FBP1: variants seen among roughly 807,000 people sequenced by gnomAD.
FBP1 encodes fructose-1,6-bisphosphatase 1.
A neutral mutation model predicts 29.9 loss-of-function variants in FBP1; 22 were observed. That is an observed-to-expected ratio of 0.74 (90% CI 0.53 to 1.05). FBP1 has a LOEUF of 1.05. FBP1 is among the 50% of genes least tolerant of loss of function. The pLI is 0.00. For missense variants in FBP1, 345 were observed against 448.2 expected (o/e 0.77, Z 2.08); for synonymous variants, 175 against 178.6 (o/e 0.98, Z 0.16).
intron 1 of FBP1, 42 bp from the exon 2 acceptor site, chr9:94,620,533 A>C: frequency 6.2e-7 from 1 of 1,600,198 alleles, no homozygotes; most frequent in Non-Finnish European, 8.5e-7. Context: ...CATGACCACC[A>C]GAACATGTAG....
chr9:94,606,549 A>G (rs1390905952), intron 5 of FBP1, among the ~76,000 whole-genome samples: 1 of 152,250 alleles, frequency 6.6e-6, no homozygotes, highest in East Asian at 1.9e-4. Flanking sequence ...TCTCAGGGTG[A>G]GAATTCCAGT....
intron 4 of FBP1, among the ~76,000 whole-genome samples, chr9:94,608,101 T>C (rs1368682158): frequency 1.3e-5 from 2 of 152,180 alleles, no homozygotes; most frequent in East Asian, 1.9e-4. Flanking sequence ...CCAGCCAGAC[T>C]GTCCATGGTG....
chr9:94,633,171 C>A (rs887037158), intron 1 of FBP1, among the ~76,000 whole-genome samples: 2 of 152,156 alleles, frequency 1.3e-5, no homozygotes, highest in African/African-American at 4.8e-5. Flanking sequence ...CTAGGACCAG[C>A]GATTTCAGAA....
At position 94,639,328 on chromosome 9, in the gene FBP1, C is replaced by G. The variant is rs1006994685; in HGVS notation, c.-18G>C. 6.2e-7 allele frequency: 1 copy of G among 1,600,870 alleles called. No individual in the cohort carries two copies. The highest frequency in any genetic ancestry group is 8.5e-7 in the Non-Finnish European group (1 of 1,174,016). On this transcript the variant is annotated 5_prime_UTR_variant, in exon 1 of 7. Transcript: ENST00000375326. Reference sequence around the variant, plus strand: ...TCAGCCATGCTTGAACCGGGTAGAGCGCGGGGCTGCAGGTGCAAGCGGCAG... The same window carrying G: ...TCAGCCATGCTTGAACCGGGTAGAGGGCGGGGCTGCAGGTGCAAGCGGCAG...
At chr9:94,616,779 A>G (rs1827869955) in intron 3 of FBP1, among the ~76,000 whole-genome samples, 1 of 152,228 alleles carries the variant, frequency 6.6e-6, no homozygotes, top group Non-Finnish European at 1.5e-5. Context: ...GCTAAAGCTA[A>G]GAGGATGTAC....
chr9:94,621,407 A>T (rs557998027), intron 1 of FBP1, among the ~76,000 whole-genome samples: 11 of 143,432 alleles, frequency 7.7e-5, no homozygotes, highest in Non-Finnish European at 1.2e-4. Flanking sequence ...AAATATATAT[A>T]TTTTTAGAAG....
At chr9:94,604,486 TA>T (rs5899226) in intron 6 of FBP1, among the ~76,000 whole-genome samples, 41 of 143,444 alleles carry the variant, frequency 2.9e-4, no homozygotes, top group Non-Finnish European at 4.2e-4. Context: ...CCTCTTGCAT[TA>T]AAAAAAAAAA....
intron 1 of FBP1, 58 bp downstream of exon 1, chr9:94,639,083 G>C (rs756733825): frequency 2.1e-5 from 32 of 1,528,486 alleles, no homozygotes; most frequent in Non-Finnish European, 2.4e-5. Flanking sequence ...TCAGCCCGCC[G>C]GGCAGGCTCC....
At chr9:94,639,719 C>T (rs1169969296), upstream of FBP1, among the ~76,000 whole-genome samples, 1 of 146,356 alleles carries the variant, frequency 6.8e-6, no homozygotes, top group Non-Finnish European at 1.5e-5. Context: ...TCTTCCTGGG[C>T]TGTCGCCCCC....
upstream of FBP1, among the ~76,000 whole-genome samples, chr9:94,639,687 C>T (rs933410368): frequency 6.6e-6 from 1 of 151,880 alleles, no homozygotes; most frequent in Admixed American, 6.6e-5. Context: ...CCCCCGCCCC[C>T]ACGCGCCCTG....
At chr9:94,604,659 C>G (rs1159318761) in intron 6 of FBP1, among the ~76,000 whole-genome samples, 1 of 152,134 alleles carries the variant, frequency 6.6e-6, no homozygotes, top group Non-Finnish European at 1.5e-5. Flanking sequence ...TGGCGGGCAC[C>G]TGTAATCCCA....
intron 1 of FBP1, among the ~76,000 whole-genome samples, chr9:94,632,399 G>C (rs1479579430): frequency 6.6e-6 from 1 of 152,204 alleles, no homozygotes; most frequent in African/African-American, 2.4e-5. Context: ...ACCAGGCACG[G>C]TGGCTCACAC....
At chr9:94,618,504 G>A (rs1827896947) in intron 2 of FBP1, among the ~76,000 whole-genome samples, 1 of 147,328 alleles carries the variant, frequency 6.8e-6, no homozygotes. Context: ...AATTAGCTGG[G>A]CATGATGCTG....
At chr9:94,629,059 G>T (rs1241559378) in intron 1 of FBP1, among the ~76,000 whole-genome samples, 4 of 152,176 alleles carry the variant, frequency 2.6e-5, no homozygotes, top group Non-Finnish European at 2.9e-5. Context: ...TTGGCTTACT[G>T]CAACCTCCCC....
At chr9:94,622,447 G>C (rs1378686045) in intron 1 of FBP1, among the ~76,000 whole-genome samples, 1 of 152,256 alleles carries the variant, frequency 6.6e-6, no homozygotes, top group Admixed American at 6.5e-5. Context: ...GGCCGTGACT[G>C]CTTCAGCTCC....
At chr9:94,620,233 C>T in intron 2 of FBP1, 96 bp downstream of exon 2, 4 of 1,355,332 alleles carry the variant, frequency 3.0e-6, no homozygotes, top group Non-Finnish European at 4.2e-6. Context: ...GAGGGACTCC[C>T]AGAAACCCAG....
At chr9:94,618,334 A>G (rs1298893881) in intron 2 of FBP1, among the ~76,000 whole-genome samples, 1 of 151,810 alleles carries the variant, frequency 6.6e-6, no homozygotes, top group Non-Finnish European at 1.5e-5. Context: ...GTTTTCAAAA[A>G]TATCCTGGCT....
intron 3 of FBP1, among the ~76,000 whole-genome samples, chr9:94,610,538 T>C (rs771141356): frequency 7.9e-5 from 12 of 152,226 alleles, no homozygotes; most frequent in Admixed American, 7.9e-4. Context: ...TCTATATCAC[T>C]CACACGTCAG....
chr9:94,634,051 T>C lies in FBP1; in HGVS notation c.170+5090A>G, dbSNP rs192392284. On this transcript the variant is annotated intron_variant, in intron 1 of 6. Coordinates refer to ENST00000375326, the MANE Select transcript of FBP1 (RefSeq NM_000507.4). Reference sequence around the variant, plus strand: ...GCTCACGCCTGTAATCCCAGGACTTTGGGAGGCCGGGGCGGGCAGATCACC... The same window carrying C: ...GCTCACGCCTGTAATCCCAGGACTTCGGGAGGCCGGGGCGGGCAGATCACC... Among the ~76,000 whole-genome samples, 1,422 of 149,570 alleles carry C rather than the reference T, an allele frequency of 9.5e-3. 9 individuals carry two copies. The highest frequency in any genetic ancestry group is 0.022 in the South Asian group (100 of 4,586).
Sources: allele counts gnomAD v4.1 joint callset (sites outside exome capture counted in the v4.1 genomes callset), GRCh38; gene constraint gnomAD v4.1.1; transcripts MANE v1.5; gene names NCBI Gene and HGNC (gene_info 2026-07-23, HGNC 2026-07-21).